NRXN3: variants seen among roughly 807,000 people sequenced by gnomAD.
NRXN3 encodes neurexin III.
NRXN3 carries 32 observed loss-of-function variants against 137.6 expected under a neutral mutation model. The ratio of observed to expected loss-of-function variants is 0.23; its 90% CI spans 0.18 to 0.31. NRXN3 has a LOEUF of 0.31. NRXN3 is among the 10% of genes least tolerant of loss of function. NRXN3 has a pLI of 1.00. For synonymous variants in NRXN3, 798 were observed against 784.5 expected (o/e 1.02, Z -0.29); for missense variants, 1,574 against 2,062.5 (o/e 0.76, Z 4.59).
At chr14:79,720,567 G>T (rs970052041) in intron 19 of NRXN3, among the ~76,000 whole-genome samples, 2 of 151,990 alleles carry the variant, frequency 1.3e-5, no homozygotes, top group Non-Finnish European at 2.9e-5. Flanking sequence ...TCGATGTTCT[G>T]GACCTCTAGA....
intron 10 of NRXN3, among the ~76,000 whole-genome samples, chr14:78,817,749 G>A (rs1446678628): frequency 6.6e-6 from 1 of 152,092 alleles, no homozygotes; most frequent in Non-Finnish European, 1.5e-5. Context: ...CTATTCCCAT[G>A]TACAAAGAGA....
intron 4 of NRXN3, among the ~76,000 whole-genome samples, chr14:78,513,807 A>G (rs1476183193): frequency 6.6e-6 from 1 of 152,026 alleles, no homozygotes; most frequent in East Asian, 1.9e-4. Context: ...GATCCCCATA[A>G]TTCATTTACT....
At chr14:78,467,553 C>T (rs1242379443) in intron 4 of NRXN3, among the ~76,000 whole-genome samples, 13 of 152,208 alleles carry the variant, frequency 8.5e-5, no homozygotes, top group Admixed American at 8.5e-4. Flanking sequence ...TTGACTCAGT[C>T]TTTCCCCACT....
At chr14:78,437,586 T>A (rs191893423) in intron 4 of NRXN3, among the ~76,000 whole-genome samples, 5 of 152,280 alleles carry the variant, frequency 3.3e-5, no homozygotes, top group Admixed American at 1.3e-4. Flanking sequence ...TGACCTCAAG[T>A]GATCCACCTG....
At chr14:78,509,979 G>A (rs2096070950) in intron 4 of NRXN3, among the ~76,000 whole-genome samples, 2 of 151,132 alleles carry the variant, frequency 1.3e-5, no homozygotes, top group South Asian at 4.2e-4. Context: ...TCTATATAGG[G>A]GAGGAAAAAA....
At chr14:78,623,142 G>T (rs983744710) in intron 4 of NRXN3, among the ~76,000 whole-genome samples, 5 of 152,176 alleles carry the variant, frequency 3.3e-5, no homozygotes, top group African/African-American at 1.2e-4. Context: ...TGACTCCAAA[G>T]CCTGAGCATT....
intron 4 of NRXN3, among the ~76,000 whole-genome samples, chr14:78,352,812 G>A (rs2083730269): frequency 6.6e-6 from 1 of 152,178 alleles, no homozygotes; most frequent in Non-Finnish European, 1.5e-5. Flanking sequence ...GCCCTTGAGG[G>A]GCTTGCTGTC....
At position 78,723,976 on chromosome 14, in the gene NRXN3, G is replaced by T. The variant is rs971066949; in HGVS notation, c.2044+8837G>T. On this transcript the variant is annotated intron_variant, in intron 8 of 20. Coordinates refer to ENST00000335750, the MANE Select transcript of NRXN3 (RefSeq NM_001330195.2). ...AAATGTGACTCTTTTGTAATCCCGG[G>T]TTTTAAAGAATTGCATTAAAATGAT... 3.3e-5 allele frequency among the ~76,000 whole-genome samples: 5 copies of T among 152,136 alleles called. No individual in the cohort carries two copies. The East Asian group carries it at 9.6e-4, about 29-fold the overall frequency.
chr14:78,497,633 T>C (rs2153766443), intron 4 of NRXN3, among the ~76,000 whole-genome samples: 1 of 152,040 alleles, frequency 6.6e-6, no homozygotes, highest in African/African-American at 2.4e-5. Context: ...CATCTATCCA[T>C]CTGTCCACCC....
At position 79,382,432 on chromosome 14, in the gene NRXN3, C is replaced by T. The variant is rs1011769508; in HGVS notation, c.3263-84789C>T. ...CCAGATAAGTTGTGCAGATAAGGTC[C>T]TGCTGCTAGGGCTATGTCCAGAAAC... On this transcript the variant is annotated intron_variant, in intron 15 of 20. Coordinates refer to ENST00000335750, the MANE Select transcript of NRXN3 (RefSeq NM_001330195.2). Among the ~76,000 whole-genome samples, 9 of 152,084 alleles carry T rather than the reference C, an allele frequency of 5.9e-5. 1 individual carries two copies. The highest frequency in any genetic ancestry group is 1.3e-4 in the Non-Finnish European group (9 of 68,030).
intron 15 of NRXN3, among the ~76,000 whole-genome samples, chr14:79,425,701 C>T (rs1450340943): frequency 1.3e-5 from 2 of 152,240 alleles, no homozygotes; most frequent in African/African-American, 4.8e-5. Flanking sequence ...TCTCACAATC[C>T]AGTTCTAATA....
At chr14:79,211,002 C>T (rs77074859) in intron 15 of NRXN3, among the ~76,000 whole-genome samples, 4,303 of 152,200 alleles carry the variant, frequency 0.028, 146 homozygotes, top group East Asian at 0.095. Flanking sequence ...AAAATTCCTA[C>T]AGTAAAATAA....
chr14:79,808,240 T>TAAAAAA (rs35474581), intron 20 of NRXN3, among the ~76,000 whole-genome samples: 1 of 124,206 alleles, frequency 8.1e-6, no homozygotes, highest in African/African-American at 3.1e-5. Flanking sequence ...CTCTCTCAAT[T>TAAAAAA]AAAAAAAAAA....
intron 4 of NRXN3, among the ~76,000 whole-genome samples, chr14:78,420,920 C>T (rs892929395): frequency 6.6e-6 from 1 of 152,104 alleles, no homozygotes; most frequent in African/African-American, 2.4e-5. Flanking sequence ...GGCAAAGGCT[C>T]AATGTAGGGA....
intron 16 of NRXN3, among the ~76,000 whole-genome samples, chr14:79,516,077 C>T (rs924631905): frequency 1.3e-5 from 2 of 152,310 alleles, no homozygotes; most frequent in East Asian, 3.9e-4. Context: ...TGCCTTAGGA[C>T]TCCAGTGAGC....
At chr14:78,679,846 G>A (rs2098054731) in intron 6 of NRXN3, among the ~76,000 whole-genome samples, 1 of 152,166 alleles carries the variant, frequency 6.6e-6, no homozygotes, top group South Asian at 2.1e-4. Context: ...TGATCAGGGA[G>A]AAGATATCCT....
At chr14:78,426,068 C>T (rs1161994048) in intron 4 of NRXN3, among the ~76,000 whole-genome samples, 1 of 152,206 alleles carries the variant, frequency 6.6e-6, no homozygotes, top group Non-Finnish European at 1.5e-5. Context: ...CCAGCAGGAC[C>T]ATCCTGGGGA....
At chr14:79,853,778 A>T (rs1472834596) in intron 20 of NRXN3, 1 of 1,022,046 alleles carries the variant, frequency 9.8e-7, no homozygotes, top group Non-Finnish European at 1.2e-6. Context: ...AGACAAAAAA[A>T]TATATATATC....
chr14:78,784,320 A>G (rs2098781576), intron 8 of NRXN3, among the ~76,000 whole-genome samples: 1 of 152,174 alleles, frequency 6.6e-6, no homozygotes, highest in South Asian at 2.1e-4. Flanking sequence ...GCAAGAACAA[A>G]TTAGTATGTT....
Sources: allele counts gnomAD v4.1 joint callset (sites outside exome capture counted in the v4.1 genomes callset), GRCh38; gene constraint gnomAD v4.1.1; transcripts MANE v1.5; gene names NCBI Gene and HGNC (gene_info 2026-07-23, HGNC 2026-07-21).